Variants in CARS1 observed in about 807,000 individuals in gnomAD.
CARS1 encodes the protein cysteine--tRNA ligase, cytoplasmic.
A neutral mutation model predicts 106.2 loss-of-function variants in CARS1; 48 were observed. The observed-to-expected ratio is 0.45, with a 90% CI of 0.36 to 0.57. The LOEUF is 0.57. CARS1 is among the 20% of genes least tolerant of loss of function. The pLI is 0.00. For missense variants in CARS1, 968 were observed against 1,057.2 expected (o/e 0.92, Z 1.17); for synonymous variants, 409 against 403.4 (o/e 1.01, Z -0.17).
chr11:3,012,043 C>T, intron 18 of CARS1, 152 bp downstream of exon 18: 3 of 690,832 alleles, frequency 4.3e-6, no homozygotes, highest in Non-Finnish European at 7.7e-6. Context: ...GGGTCCAGGC[C>T]CGGGATGCCG....
At position 3,028,981 on chromosome 11, in the gene CARS1, G is replaced by A. The variant is rs1306895871; in HGVS notation, c.1031+15C>T. On this transcript the variant is annotated intron_variant, in intron 9 of 22. Transcript: ENST00000380525. This position sits in a 1 kb window ranked among gnomAD's most constrained non-coding sequence, Gnocchi z 4.4. Reference sequence around the variant, plus strand: ...CTGCAGCCCTTCCCTCCCTAGGGAAGGCCCTTGTGCTTACCCGTAACCGTT... The same window carrying A: ...CTGCAGCCCTTCCCTCCCTAGGGAAAGCCCTTGTGCTTACCCGTAACCGTT... 1.3e-6 allele frequency: 2 copies of A among 1,592,986 alleles called. No individual in the cohort carries two copies. Among genetic ancestry groups the A allele is most frequent in the Non-Finnish European group, 1.7e-6 (2 of 1,160,988 alleles).
rs554354544 is a variant in CARS1 at position 3,040,477 on chromosome 11, C to T, written c.455+419G>A. 6 of 466,530 alleles carry T rather than the reference C, an allele frequency of 1.3e-5. No homozygotes were observed. Among genetic ancestry groups the T allele is most frequent in the East Asian group, 6.6e-5 (1 of 15,260 alleles). The allele number at this position is 466,530 out of a possible 1,614,324, so 28.9% of individuals were successfully genotyped here. A position where few individuals can be genotyped will look rare whatever the true frequency, so the allele number is the denominator to read the frequency against. On this transcript the variant is annotated intron_variant, in intron 4 of 22. Transcript: ENST00000380525. This position sits in a 1 kb window ranked among gnomAD's most constrained non-coding sequence, Gnocchi z 5.8. ...ACAGCCAGCTACTCGTCAGGAGCTA[C>T]AGCCATGACCATCCAGTGGTCGGGG...
chr11:3,020,457 G>C lies in CARS1; in HGVS notation c.1154-125C>G. 1 of 642,408 alleles carries C rather than the reference G, an allele frequency of 1.6e-6. No homozygotes were observed. Among genetic ancestry groups the C allele is most frequent in the East Asian group, 2.7e-5 (1 of 36,560 alleles). The allele number at this position is 642,408 out of a possible 1,614,324, so 39.8% of individuals were successfully genotyped here. On this transcript the variant is annotated intron_variant, in intron 10 of 22. Coordinates refer to ENST00000380525, the MANE Select transcript of CARS1 (RefSeq NM_001014437.3). This position sits in a 1 kb window ranked among gnomAD's most constrained non-coding sequence, Gnocchi z 4.6. ...CTGACTAACTTCTGTTTATTAACTT[G>C]GCTCAAGCATTTCTTCAAGTTAACT...
rs1304803196 is a variant in CARS1 at position 3,020,672 on chromosome 11, G to A, written c.1154-340C>T. 6.6e-6 allele frequency among the ~76,000 whole-genome samples: 1 copy of A among 152,168 alleles called. No homozygotes were observed. Among genetic ancestry groups the A allele is most frequent in the Non-Finnish European group, 1.5e-5 (1 of 68,032 alleles). Reference sequence around the variant, plus strand: ...TCTAGGACAAGTGATAAGAACCCTGGGCTAAAGCTAGGAGGTGACATAGTG... The same window carrying A: ...TCTAGGACAAGTGATAAGAACCCTGAGCTAAAGCTAGGAGGTGACATAGTG... On this transcript the variant is annotated intron_variant, in intron 10 of 22. Transcript: ENST00000380525. The surrounding 1 kb of genome is among the most constrained non-coding windows in gnomAD (Gnocchi z 4.6).
Position 3,037,245 on chromosome 11 carries a change from C to T in CARS1, c.801+805G>A, listed in dbSNP as rs1304952682. On this transcript the variant is annotated intron_variant, in intron 7 of 22. Coordinates refer to ENST00000380525, the MANE Select transcript of CARS1 (RefSeq NM_001014437.3). This position sits in a 1 kb window ranked among gnomAD's most constrained non-coding sequence, Gnocchi z 5.9. ...TTTCCGTGAAGTTTGGAAACAGGCGCAACGAAGCGATCTGCTGAGTCAGGA... is the reference window on the plus strand; with the variant it reads ...TTTCCGTGAAGTTTGGAAACAGGCGTAACGAAGCGATCTGCTGAGTCAGGA... Among the ~76,000 whole-genome samples, 5 of 152,166 alleles carry T rather than the reference C, an allele frequency of 3.3e-5. No homozygotes were observed. Among genetic ancestry groups the T allele is most frequent in the Admixed American group, 3.3e-4 (5 of 15,274 alleles).
At chr11:3,024,911 G>C (rs1851903528) in intron 10 of CARS1, among the ~76,000 whole-genome samples, 1 of 152,308 alleles carries the variant, frequency 6.6e-6, no homozygotes, top group South Asian at 2.1e-4. Flanking sequence ...TAATTCCTGA[G>C]TGCAAAGTTC....
chr11:3,027,450 G>T, intron 9 of CARS1: 1 of 173,428 alleles, frequency 5.8e-6, no homozygotes, highest in Non-Finnish European at 1.3e-5. Context: ...CACTACTGTG[G>T]GCGGCAAGCC....
At position 3,003,014 on chromosome 11, in the gene CARS1, G is replaced by A. The variant is rs923932512; in HGVS notation, c.2218-414C>T. Among the ~76,000 whole-genome samples, 2 of 152,214 alleles carry A rather than the reference G, an allele frequency of 1.3e-5. No homozygotes were observed. Among genetic ancestry groups the A allele is most frequent in the African/African-American group, 4.8e-5 (2 of 41,454 alleles). On this transcript the variant is annotated intron_variant, in intron 20 of 22. Transcript: ENST00000380525. This position sits in a 1 kb window ranked among gnomAD's most constrained non-coding sequence, Gnocchi z 4.8. The stretch of plus-strand genomic sequence containing the variant: ...AGTGGGTCTTGGGGTACCTGGGAAG[G>A]AGCAAGAGCGCCAGGGCAGGATGGG...
intron 1 of CARS1, among the ~76,000 whole-genome samples, chr11:3,049,813 G>T (rs1448001657): frequency 6.6e-6 from 1 of 152,178 alleles, no homozygotes; most frequent in Non-Finnish European, 1.5e-5. Context: ...TTTACTCCTG[G>T]CACAGAGCCA....
Position 3,052,426 on chromosome 11 carries a change from A to T in CARS1, c.26-4425T>A, listed in dbSNP as rs1281379894. 1.3e-5 allele frequency among the ~76,000 whole-genome samples: 2 copies of T among 152,220 alleles called. No individual in the cohort carries two copies. The highest frequency in any genetic ancestry group is 4.8e-5 in the African/African-American group (2 of 41,454). Reference sequence around the variant, plus strand: ...GCTCTGGTATTATTAATGTTATTGTAATAGCCGCATGCTACACACAGAGAA... The same window carrying T: ...GCTCTGGTATTATTAATGTTATTGTTATAGCCGCATGCTACACACAGAGAA... On this transcript the variant is annotated intron_variant, in intron 1 of 22. Transcript: ENST00000380525. The surrounding 1 kb of genome is among the most constrained non-coding windows in gnomAD (Gnocchi z 4.6).
chr11:3,028,296 C>A lies in CARS1; in HGVS notation c.1031+700G>T. On this transcript the variant is annotated intron_variant, in intron 9 of 22. Coordinates refer to ENST00000380525, the MANE Select transcript of CARS1 (RefSeq NM_001014437.3). This position sits in a 1 kb window ranked among gnomAD's most constrained non-coding sequence, Gnocchi z 4.4. ...ATAAATATCAGTGCAGCCTGGCATT[C>A]GGGGCCACTACCGGTCTCCGCGTCT... The A allele has an allele frequency of 1.9e-6, 1 of 526,246 alleles. No individual in the cohort carries two copies. Among genetic ancestry groups the A allele is most frequent in the Admixed American group, 2.7e-5 (1 of 36,868 alleles). 32.6% of individuals were successfully genotyped at this position (526,246 alleles called of 1,614,324 possible).
At chr11:3,054,947 C>G (rs763794643) in intron 1 of CARS1, 2 of 702,490 alleles carry the variant, frequency 2.8e-6, no homozygotes, top group East Asian at 2.7e-5. Flanking sequence ...CCATCTACCC[C>G]AGAAACCTCA....
chr11:3,005,631 A>T (rs1326257767), intron 19 of CARS1, among the ~76,000 whole-genome samples, 198 bp from the exon 20 acceptor site: 4 of 132,476 alleles, frequency 3.0e-5, no homozygotes, highest in Non-Finnish European at 3.2e-5. Flanking sequence ...TGTGTGTGTG[A>T]TTTTTTTTTT....
chr11:3,032,095 A>G (rs1360001993), intron 7 of CARS1, among the ~76,000 whole-genome samples: 1 of 128,698 alleles, frequency 7.8e-6, no homozygotes, highest in Non-Finnish European at 1.6e-5. Flanking sequence ...TCCTTCCTTG[A>G]TGGAGTCTAG....
chr11:3,032,700 C>T (rs1173342827), intron 7 of CARS1, among the ~76,000 whole-genome samples: 5 of 151,848 alleles, frequency 3.3e-5, no homozygotes, highest in African/African-American at 4.8e-5. Flanking sequence ...CTGGGAAAGG[C>T]AAAACTACGG....
chr11:3,026,605 C>A, intron 10 of CARS1, 71 bp downstream of exon 10: 1 of 1,571,496 alleles, frequency 6.4e-7, no homozygotes. Context: ...CCCCCGTGGC[C>A]TGCAAAGTCA....
In CARS1 at chr11:3,019,954, C is replaced by T. The variant is rs754968332; in HGVS notation, c.1266+266G>A. Among the ~76,000 whole-genome samples the T allele has an allele frequency of 1.3e-5, 2 of 152,176 alleles. No individual in the cohort carries two copies. The highest frequency in any genetic ancestry group is 1.3e-4 in the Admixed American group (2 of 15,282). ...GTCACAGAACACAAGAACCAAGAAG[C>T]CTCCATGGACGTCTACTCTGATCAC... is the stretch of plus-strand genomic sequence containing the variant. On this transcript the variant is annotated intron_variant, in intron 11 of 22. Coordinates refer to ENST00000380525, the MANE Select transcript of CARS1 (RefSeq NM_001014437.3). The surrounding 1 kb of genome is among the most constrained non-coding windows in gnomAD (Gnocchi z 6.2).
rs1483534214 is a variant in CARS1, at chr11:3,019,554, A to C, written c.1267-287T>G. Among the ~76,000 whole-genome samples the C allele has an allele frequency of 6.6e-6, 1 of 151,990 alleles. No homozygotes were observed. The highest frequency in any genetic ancestry group is 1.9e-4 in the East Asian group (1 of 5,180). ...ACTAAAAATACAAAAAAATACAAAA[A>C]TTAGCTGAGCATGGTGACGTATGCC... On this transcript the variant is annotated intron_variant, in intron 11 of 22. Transcript: ENST00000380525. This position sits in a 1 kb window ranked among gnomAD's most constrained non-coding sequence, Gnocchi z 6.2.
intron 1 of CARS1, chr11:3,054,911 T>C (rs1012172916): frequency 2.8e-6 from 2 of 702,524 alleles, no homozygotes; most frequent in Non-Finnish European, 5.2e-6. Context: ...ATCCCAAGTC[T>C]GTGCGGAAAG....
Sources: gnomAD v4.1 joint callset for allele counts (sites outside exome capture counted in the v4.1 genomes callset) on GRCh38, gnomAD v4.1.1 for gene constraint, Gnocchi (gnomAD v3.1) non-coding constraint, MANE v1.5 for transcripts, NCBI Gene and HGNC (gene_info 2026-07-23, HGNC 2026-07-21) for gene names.